Variants in HS3ST4 observed in about 807,000 individuals in gnomAD.
HS3ST4 encodes heparan sulfate glucosamine 3-O-sulfotransferase 4.
Under a neutral mutation model 29.2 loss-of-function variants are expected in HS3ST4, and 17 were observed. That is an observed-to-expected ratio of 0.58 (90% CI 0.40 to 0.87). The LOEUF (loss-of-function observed/expected upper bound fraction) is 0.87. HS3ST4 is among the 40% of genes least tolerant of loss of function. The pLI, the probability that HS3ST4 is intolerant of heterozygous loss-of-function variation, is 0.00. For synonymous variants in HS3ST4, 314 were observed against 285.7 expected (o/e 1.10, Z -1.00); for missense variants, 627 against 634.5 (o/e 0.99, Z 0.13).
chr16:25,801,247 T>A (rs1966930797), intron 1 of HS3ST4, among the ~76,000 whole-genome samples: 1 of 152,196 alleles, frequency 6.6e-6, no homozygotes, highest in African/African-American at 2.4e-5. Flanking sequence ...TAGTATTTCA[T>A]GAAGTTCTGA....
At chr16:25,721,600 GC>G (rs1215284881) in intron 1 of HS3ST4, among the ~76,000 whole-genome samples, 2 of 152,134 alleles carry the variant, frequency 1.3e-5, no homozygotes, top group African/African-American at 4.8e-5. Context: ...GAAAATGAAA[GC>G]CCGTCAGCGT....
At chr16:26,064,905 C>G (rs1898524998) in intron 1 of HS3ST4, among the ~76,000 whole-genome samples, 1 of 152,154 alleles carries the variant, frequency 6.6e-6, no homozygotes, top group Non-Finnish European at 1.5e-5. Flanking sequence ...GCATGAGCCA[C>G]CGTGCCCAGC....
intron 1 of HS3ST4, among the ~76,000 whole-genome samples, chr16:26,042,555 A>G (rs1969645069): frequency 6.6e-6 from 1 of 152,234 alleles, no homozygotes; most frequent in Non-Finnish European, 1.5e-5. Flanking sequence ...TACCCGGGCT[A>G]CCGCTTTAGG....
At chr16:25,863,271 C>T (rs9924868) in intron 1 of HS3ST4, among the ~76,000 whole-genome samples, 27,445 of 151,808 alleles carry the variant, frequency 0.18, 2,743 homozygotes, top group African/African-American at 0.27. Flanking sequence ...TTAAGTAGAG[C>T]GGGGTTTCAC....
In HS3ST4 at chr16:26,136,849, T is replaced by G; in HGVS notation, c.*601T>G. Reference sequence around the variant, plus strand: ...CATCATGAAGGCAGAGGCATGCACATTCCTCACTGAAAAAGAAAACACACA... The same window carrying G: ...CATCATGAAGGCAGAGGCATGCACAGTCCTCACTGAAAAAGAAAACACACA... On this transcript the variant is annotated 3_prime_UTR_variant, in exon 2 of 2. Transcript: ENST00000331351. 6.5e-6 allele frequency: 1 copy of G among 153,496 alleles called. No individual in the cohort carries two copies. Among genetic ancestry groups the G allele is most frequent in the Non-Finnish European group, 1.4e-5 (1 of 69,020 alleles). 9.5% of individuals were successfully genotyped at this position (153,496 alleles called of 1,614,324 possible).
chr16:25,808,431 G>A (rs912606399), intron 1 of HS3ST4, among the ~76,000 whole-genome samples: 1 of 152,128 alleles, frequency 6.6e-6, no homozygotes, highest in Non-Finnish European at 1.5e-5. Context: ...TCAAAAATTT[G>A]TGTGGGTGTA....
At chr16:25,911,672 G>C (rs550474083) in intron 1 of HS3ST4, among the ~76,000 whole-genome samples, 1 of 151,406 alleles carries the variant, frequency 6.6e-6, no homozygotes, top group African/African-American at 2.4e-5. Flanking sequence ...AACATACCTG[G>C]CTCATTTTTA....
intron 1 of HS3ST4, among the ~76,000 whole-genome samples, chr16:25,760,225 C>T (rs1160233610): frequency 6.6e-6 from 1 of 152,102 alleles, no homozygotes; most frequent in Non-Finnish European, 1.5e-5. Flanking sequence ...TTAATTTTCT[C>T]ACAGTTCCAG....
intron 1 of HS3ST4, among the ~76,000 whole-genome samples, chr16:25,793,020 C>G (rs1342837705): frequency 6.6e-6 from 1 of 151,724 alleles, no homozygotes; most frequent in Non-Finnish European, 1.5e-5. Context: ...TTGTTTTACT[C>G]ATGGTTACTA....
At chr16:26,096,221 G>A (rs1898924168) in intron 1 of HS3ST4, among the ~76,000 whole-genome samples, 1 of 152,086 alleles carries the variant, frequency 6.6e-6, no homozygotes, top group Non-Finnish European at 1.5e-5. Context: ...AGAAAAAGAG[G>A]GAATCCTTCC....
At chr16:25,867,019 A>G (rs1214244698) in intron 1 of HS3ST4, among the ~76,000 whole-genome samples, 1 of 152,156 alleles carries the variant, frequency 6.6e-6, no homozygotes, top group African/African-American at 2.4e-5. Context: ...GACCCACCCA[A>G]TTCACATAAA....
chr16:25,742,445 G>A (rs2141598152), intron 1 of HS3ST4, among the ~76,000 whole-genome samples: 1 of 152,304 alleles, frequency 6.6e-6, no homozygotes, highest in South Asian at 2.1e-4. Flanking sequence ...ATAGACTGTG[G>A]CTATCAGCCA....
chr16:26,111,950 G>C (rs1899135159), intron 1 of HS3ST4, among the ~76,000 whole-genome samples: 1 of 151,494 alleles, frequency 6.6e-6, no homozygotes, highest in African/African-American at 2.4e-5. Context: ...CCGGGAGGCG[G>C]AGGTTGCAGC....
At chr16:25,812,876 T>C (rs1266011891) in intron 1 of HS3ST4, among the ~76,000 whole-genome samples, 2 of 152,148 alleles carry the variant, frequency 1.3e-5, no homozygotes. Flanking sequence ...TGGTATTTCT[T>C]AAATTGTTAA....
At chr16:25,987,555 A>T (rs993267211) in intron 1 of HS3ST4, among the ~76,000 whole-genome samples, 1 of 152,160 alleles carries the variant, frequency 6.6e-6, no homozygotes, top group African/African-American at 2.4e-5. Context: ...AAACTCAAGG[A>T]TATGGCCTCT....
intron 1 of HS3ST4, among the ~76,000 whole-genome samples, chr16:25,887,508 A>T (rs1357028710): frequency 6.6e-6 from 1 of 152,104 alleles, no homozygotes; most frequent in East Asian, 1.9e-4. Flanking sequence ...TAATTACCAG[A>T]TATAAATAAA....
chr16:25,878,831 G>A (rs528782743), intron 1 of HS3ST4, among the ~76,000 whole-genome samples: 75 of 152,142 alleles, frequency 4.9e-4, no homozygotes, highest in Non-Finnish European at 7.9e-4. Context: ...TCAAACCTTC[G>A]ATAAAAATAC....
At chr16:26,126,191 C>A (rs1207787945) in intron 1 of HS3ST4, among the ~76,000 whole-genome samples, 1 of 152,188 alleles carries the variant, frequency 6.6e-6, no homozygotes, top group East Asian at 1.9e-4. Context: ...TCTGCACACC[C>A]TCTGAGTCAA....
At chr16:26,025,606 A>G (rs898453164) in intron 1 of HS3ST4, among the ~76,000 whole-genome samples, 4 of 152,170 alleles carry the variant, frequency 2.6e-5, no homozygotes, top group Admixed American at 6.5e-5. Context: ...GAGGGTACAG[A>G]GGGCTGATGA....
Sources: allele counts gnomAD v4.1 joint callset (sites outside exome capture counted in the v4.1 genomes callset), GRCh38; gene constraint gnomAD v4.1.1; transcripts MANE v1.5; gene names NCBI Gene and HGNC (gene_info 2026-07-23, HGNC 2026-07-21).